Variants in THAP2 observed in about 807,000 individuals in gnomAD.
THAP2 encodes THAP domain containing 2, also known as THAP domain-containing protein 2.
A neutral mutation model predicts 18.8 loss-of-function variants in THAP2; 16 were observed. That is an observed-to-expected ratio of 0.85 (90% confidence interval 0.58 to 1.29). The LOEUF (loss-of-function observed/expected upper bound fraction) is 1.29, where lower values mean the gene tolerates loss of function less well. Ranked by LOEUF, THAP2 falls within the 50% of genes most tolerant of loss-of-function variation. THAP2 has a pLI of 0.00. For synonymous variants in THAP2, 80 were observed against 89.2 expected, an observed-to-expected ratio of 0.90 and a Z score of 0.58; for missense variants, 251 against 265.3, an observed-to-expected ratio of 0.95 and a Z score of 0.38.
Position 71,679,412 on chromosome 12 carries a change from A to G in THAP2, c.*2304A>G, listed in dbSNP as rs1412779527. On this transcript the variant is annotated 3_prime_UTR_variant, in exon 3 of 3. Transcript: ENST00000308086. ...TAGCTTTATTCACAGAGAAAAACCT[A>G]AAAGGAGTCTATTAAAATGCTGCTT... 1 of 152,150 alleles carries G rather than the reference A, an allele frequency of 6.6e-6. No individual in the cohort carries two copies. The highest frequency in any genetic ancestry group is 1.5e-5 in the Non-Finnish European group (1 of 68,000). 9.4% of individuals were successfully genotyped at this position (152,150 alleles called of 1,614,324 possible). A position where few individuals can be genotyped will look rare whatever the true frequency, so the allele number is the denominator to read the frequency against.
intron 1 of THAP2, chr12:71,665,771 C>A (rs1197789945): frequency 6.6e-6 from 1 of 152,062 alleles, no homozygotes; most frequent in Non-Finnish European, 1.5e-5. Flanking sequence ...CTTGAGAAAC[C>A]ATGGAGGGTT....
At chr12:71,668,985 A>G (rs879678974) in intron 1 of THAP2, among the ~76,000 whole-genome samples, 8 of 152,366 alleles carry the variant, frequency 5.3e-5, no homozygotes, top group Non-Finnish European at 8.8e-5. Context: ...GTGCTGTACA[A>G]AAACATTACA....
intron 1 of THAP2, chr12:71,667,985 C>G (rs1592610593): frequency 1.3e-5 from 2 of 152,112 alleles, no homozygotes; most frequent in Non-Finnish European, 2.9e-5. Flanking sequence ...TTAATTGCAA[C>G]TTTATATTAG....
Position 71,664,727 on chromosome 12 carries a change from A to G in THAP2, c.71+147A>G, listed in dbSNP as rs548946843. 2.6e-5 allele frequency: 23 copies of G among 899,964 alleles called. No individual in the cohort carries two copies. The African/African-American group carries it at 3.6e-4, about 14-fold the overall frequency. 55.7% of individuals were successfully genotyped at this position (899,964 alleles called of 1,614,324 possible). ...CATCGTATGTCCTTTGTGTTTCTCA[A>G]ATCTGCCCAATTGTTCTCTGCTTTC... is the stretch of plus-strand genomic sequence containing the variant. On this transcript the variant is annotated intron_variant, in intron 1 of 2. Transcript: ENST00000308086.
At chr12:71,674,468 T>A in intron 2 of THAP2, 70 bp downstream of exon 2, 1 of 1,428,446 alleles carries the variant, frequency 7.0e-7, no homozygotes, top group Non-Finnish European at 9.4e-7. Flanking sequence ...ATGCAGTTAT[T>A]AACTGAAATT....
rs1881562490 is a variant in THAP2, at chr12:71,679,027, C to CAT, written c.*1920_*1921insTA. ...ATTTTATAACTCAAAATAAGTTGGA[C>CAT]AAATAATCATTTTAATAAAAACTAT... On this transcript the variant is annotated 3_prime_UTR_variant, in exon 3 of 3. Coordinates refer to ENST00000308086, the MANE Select transcript of THAP2 (RefSeq NM_031435.4). 1 of 152,004 alleles carries CAT rather than the reference C, an allele frequency of 6.6e-6. No individual in the cohort carries two copies. The highest frequency in any genetic ancestry group is 1.5e-5 in the Non-Finnish European group (1 of 67,958). The allele number at this position is 152,004 out of a possible 1,614,324, so 9.4% of individuals were successfully genotyped here.
At chr12:71,670,349 T>C (rs1184095033) in intron 1 of THAP2, among the ~76,000 whole-genome samples, 1 of 152,214 alleles carries the variant, frequency 6.6e-6, no homozygotes, top group Non-Finnish European at 1.5e-5. Context: ...TGTTGATTCT[T>C]ATATTTCCAA....
At chr12:71,668,216 T>C (rs561314033) in intron 1 of THAP2, among the ~76,000 whole-genome samples, 1 of 152,302 alleles carries the variant, frequency 6.6e-6, no homozygotes, top group South Asian at 2.1e-4. Context: ...CACCCTAACT[T>C]CTCTAGCTGA....
rs1449091367 is a variant in THAP2 at position 71,674,109 on chromosome 12, A to G, written c.72-94A>G. The G allele has an allele frequency of 2.4e-6, 3 of 1,262,208 alleles. No homozygotes were observed. The African/African-American group carries it at 4.5e-5, about 19-fold the overall frequency. The allele number at this position is 1,262,208 out of a possible 1,614,324, so 78.2% of individuals were successfully genotyped here. ...TTAAAATTTTTTAGGTAAATGGGAC[A>G]CACTTTTAATCATCTTCGAAATTTC... On this transcript the variant is annotated intron_variant, in intron 1 of 2. Coordinates refer to ENST00000308086, the MANE Select transcript of THAP2 (RefSeq NM_031435.4).
intron 1 of THAP2, chr12:71,665,345 C>A (rs1881316178): frequency 5.4e-6 from 1 of 186,760 alleles, no homozygotes; most frequent in Admixed American, 5.5e-5. Flanking sequence ...ATATACCTAA[C>A]AACGTATATG....
Position 71,664,526 on chromosome 12 carries a change from C to G in THAP2, c.17C>G (p.Ala6Gly). 6.2e-7 allele frequency: 1 copy of G among 1,614,186 alleles called. No homozygotes were observed. Among genetic ancestry groups the G allele is most frequent in the Non-Finnish European group, 8.5e-7 (1 of 1,180,038 alleles). ...GAAAGGGAAATGCCGACCAATTGCGCTGCGGCGGGCTGTGCCACTACCTAC... is the reference window on the plus strand; with the variant it reads ...GAAAGGGAAATGCCGACCAATTGCGGTGCGGCGGGCTGTGCCACTACCTAC... MPTNC[A>G]AAGCATTYNK... The change falls in exon 1 of 3, where the codon GCT (alanine) becomes GGT (glycine). Residue 6 changes from alanine (A) to glycine (G), a missense_variant. By Grantham distance (60) the Ala-to-Gly change is moderately conservative. Transcript: ENST00000308086.
chr12:71,670,965 A>C (rs1459787515), intron 1 of THAP2, among the ~76,000 whole-genome samples: 1 of 151,756 alleles, frequency 6.6e-6, no homozygotes, highest in Non-Finnish European at 1.5e-5. Context: ...ATTAAGAGAA[A>C]ATATATTTAC....
chr12:71,674,064 A>G, intron 1 of THAP2, 139 bp from the exon 2 acceptor site: 1 of 770,900 alleles, frequency 1.3e-6, no homozygotes, highest in Non-Finnish European at 1.9e-6. Flanking sequence ...TTTCTGTTCC[A>G]GTGTCTGGAT....
chr12:71,670,936 C>CAAAAA (rs35547227), intron 1 of THAP2, among the ~76,000 whole-genome samples: 1 of 98,932 alleles, frequency 1.0e-5, no homozygotes. Flanking sequence ...AAAACTGTCT[C>CAAAAA]AAAAAAAAAA....
chr12:71,673,996 G>A (rs138347456), intron 1 of THAP2, among the ~76,000 whole-genome samples: 3 of 152,192 alleles, frequency 2.0e-5, no homozygotes, highest in East Asian at 1.9e-4. Context: ...AAAAATAAAC[G>A]ACTCAAGTCA....
Position 71,677,089 on chromosome 12 carries a change from C to T in THAP2, c.668C>T (p.Thr223Ile). 6.3e-7 allele frequency: 1 copy of T among 1,588,990 alleles called. No individual in the cohort carries two copies. The highest frequency in any genetic ancestry group is 8.6e-7 in the Non-Finnish European group (1 of 1,166,824). Residue 223 changes from threonine (T) to isoleucine (I), a missense_variant, in exon 3 of 3, where the codon ACC becomes ATC. By Grantham distance (89) the Thr-to-Ile change is moderately conservative (BLOSUM62 -1). Coordinates refer to ENST00000308086, the MANE Select transcript of THAP2 (RefSeq NM_031435.4). ...CTGCTAAGTCTAAATCTAAAACAGA[C>T]CAAGAGTACCTTCATTTAAATTTAG... Reference protein sequence around the residue: ...KTLLSLNLKQTKSTFI With the variant: ...KTLLSLNLKQIKSTFI
In THAP2 at chr12:71,677,093, G is replaced by T; in HGVS notation, c.672G>T (p.Lys224Asn). The change falls in exon 3 of 3, where the codon AAG becomes AAT. Residue 224 changes from lysine (K) to asparagine (N), a missense_variant. Coordinates refer to ENST00000308086, the MANE Select transcript of THAP2 (RefSeq NM_031435.4). ...TLLSLNLKQTKSTFI is the reference protein window; with the variant it reads ...TLLSLNLKQTNSTFI ...TAAGTCTAAATCTAAAACAGACCAA[G>T]AGTACCTTCATTTAAATTTAGCTTG... 1.3e-6 allele frequency: 2 copies of T among 1,584,906 alleles called. No homozygotes were observed. Among genetic ancestry groups the T allele is most frequent in the South Asian group, 2.3e-5 (2 of 86,778 alleles).
intron 1 of THAP2, among the ~76,000 whole-genome samples, chr12:71,669,722 G>A (rs890701772): frequency 3.7e-4 from 57 of 152,138 alleles, no homozygotes; most frequent in African/African-American, 1.3e-3. Flanking sequence ...TTGGGAGGCC[G>A]AGGCAGGTGG....
At chr12:71,673,934 C>T (rs1217422126) in intron 1 of THAP2, among the ~76,000 whole-genome samples, 1 of 152,062 alleles carries the variant, frequency 6.6e-6, no homozygotes, top group Non-Finnish European at 1.5e-5. Flanking sequence ...GTTTTATTTA[C>T]TGCCCAGATT....
Sources: allele counts gnomAD v4.1 joint callset (sites outside exome capture counted in the v4.1 genomes callset), GRCh38; gene constraint gnomAD v4.1.1; transcripts MANE v1.5; gene names NCBI Gene and HGNC (gene_info 2026-07-23, HGNC 2026-07-21).